PDE8A: variants seen among roughly 807,000 people sequenced by gnomAD.
The protein encoded by PDE8A is high affinity cAMP-specific and IBMX-insensitive 3',5'-cyclic phosphodiesterase 8A.
Under a neutral mutation model 105.0 loss-of-function variants are expected in PDE8A, and 59 were observed. The ratio of observed to expected loss-of-function variants is 0.56; its 90% CI spans 0.46 to 0.70. PDE8A has a LOEUF of 0.70. PDE8A is among the 30% of genes least tolerant of loss of function. The pLI is 0.00. For missense variants in PDE8A, 1,014 were observed against 1,045.9 expected (o/e 0.97, Z 0.42); for synonymous variants, 355 against 371.9 (o/e 0.95, Z 0.52).
At chr15:85,058,126 G>T (rs979834020) in intron 1 of PDE8A, among the ~76,000 whole-genome samples, 6 of 152,156 alleles carry the variant, frequency 3.9e-5, no homozygotes, top group Non-Finnish European at 8.8e-5. Flanking sequence ...TGTTGCCCAA[G>T]TTGGAATGTA....
rs182149928 is a variant in PDE8A at position 85,083,515 on chromosome 15, G to T, written c.547-41G>T. 846 of 1,179,438 alleles carry T rather than the reference G, an allele frequency of 7.2e-4. 5 individuals are homozygous for T. The African/African-American group carries it at 0.011, about 15-fold the overall frequency. The allele number at this position is 1,179,438 out of a possible 1,614,324, so 73.1% of individuals were successfully genotyped here. A position where few individuals can be genotyped will look rare whatever the true frequency, so the allele number is the denominator to read the frequency against. ...TATTTTTATTGGCACAAATAAAGAAGCACTTTTGTTTATCCACAAAATTCC... is the reference window on the plus strand; with the variant it reads ...TATTTTTATTGGCACAAATAAAGAATCACTTTTGTTTATCCACAAAATTCC... On this transcript the variant is annotated intron_variant, in intron 5 of 21. Coordinates refer to ENST00000394553, the MANE Select transcript of PDE8A (RefSeq NM_002605.3).
At chr15:84,985,953 G>A (rs1217944393) in intron 1 of PDE8A, among the ~76,000 whole-genome samples, 2 of 152,066 alleles carry the variant, frequency 1.3e-5, no homozygotes, top group African/African-American at 2.4e-5. Flanking sequence ...GGCTGGGCGC[G>A]GTGGCTCATG....
rs762212348 is a variant in PDE8A, at chr15:85,137,850, T to C, written c.2437T>C (p.Trp813Arg). The C allele has an allele frequency of 6.2e-7, 1 of 1,613,810 alleles. No individual in the cohort carries two copies. The highest frequency in any genetic ancestry group is 8.5e-7 in the Non-Finnish European group (1 of 1,179,680). ...GCATCTTGACAACAACTTTAAATAC[T>C]GGAAAGGACTGGACGAAATGAAGCT... Reference protein sequence around the residue: ...MQHLDNNFKYWKGLDEMKLRN... With the variant: ...MQHLDNNFKYRKGLDEMKLRN... The change falls in exon 22 of 22, where the codon TGG becomes CGG. Residue 813 changes from tryptophan to arginine, a missense_variant. Coordinates refer to ENST00000394553, the MANE Select transcript of PDE8A (RefSeq NM_002605.3).
At chr15:84,983,209 C>G (rs2079748427) in intron 1 of PDE8A, among the ~76,000 whole-genome samples, 2 of 152,338 alleles carry the variant, frequency 1.3e-5, no homozygotes, top group East Asian at 1.9e-4. Flanking sequence ...CCAGTTCTCT[C>G]ATTTCAGAAT....
At chr15:85,032,087 TCTTTA>T (rs754887582) in intron 1 of PDE8A, among the ~76,000 whole-genome samples, 2 of 152,222 alleles carry the variant, frequency 1.3e-5, no homozygotes, top group Non-Finnish European at 2.9e-5. Flanking sequence ...ATGTTTTCTC[TCTTTA>T]CTTCACAGCC....
chr15:84,981,701 GGCGGCGGCGGGAGCGGGGCCGGGC>G (rs2079710132), upstream of PDE8A, among the ~76,000 whole-genome samples: 1 of 151,448 alleles, frequency 6.6e-6, no homozygotes, highest in Admixed American at 6.6e-5. Context: ...AGGCGGCGGC[GGCGGCGGCGGGAGCGGGGCCGGGC>G]GCGGCCGGGA....
intron 8 of PDE8A, among the ~76,000 whole-genome samples, chr15:85,096,336 G>T (rs2081752508): frequency 6.6e-6 from 1 of 152,104 alleles, no homozygotes; most frequent in Admixed American, 6.5e-5. Context: ...GTATGTGCCT[G>T]TGGTCCCAGC....
intron 6 of PDE8A, among the ~76,000 whole-genome samples, chr15:85,086,800 G>A (rs911145213): frequency 4.0e-5 from 6 of 151,844 alleles, no homozygotes; most frequent in African/African-American, 1.2e-4. Context: ...GCCCAGGCTG[G>A]AGTGCAGTGG....
rs767346193 is a variant in PDE8A, at chr15:85,076,723, T to C, written c.492-10T>C. On this transcript the variant is annotated splice_polypyrimidine_tract_variant and intron_variant, in intron 4 of 21. Coordinates refer to ENST00000394553, the MANE Select transcript of PDE8A (RefSeq NM_002605.3). ...ACTATGTCTATGTTCTTTACTGTGTTATTTTGAAGGGTGGATAGAGAAGAG... is the reference window on the plus strand; with the variant it reads ...ACTATGTCTATGTTCTTTACTGTGTCATTTTGAAGGGTGGATAGAGAAGAG... The C allele has an allele frequency of 2.6e-6, 4 of 1,567,410 alleles. No individual in the cohort carries two copies. The highest frequency in any genetic ancestry group is 3.5e-6 in the Non-Finnish European group (4 of 1,137,580).
At chr15:85,101,202 A>G (rs1021811347) in intron 11 of PDE8A, among the ~76,000 whole-genome samples, 1 of 152,218 alleles carries the variant, frequency 6.6e-6, no homozygotes, top group African/African-American at 2.4e-5. Flanking sequence ...GAGGACTGAC[A>G]CTAGGGCTCT....
intron 1 of PDE8A, among the ~76,000 whole-genome samples, chr15:85,003,884 A>G (rs754797114): frequency 1.3e-5 from 2 of 152,264 alleles, no homozygotes; most frequent in Non-Finnish European, 2.9e-5. Flanking sequence ...GGCTCCTTCT[A>G]TCTGTGGCTC....
At chr15:85,096,554 T>G (rs919097524) in intron 8 of PDE8A, among the ~76,000 whole-genome samples, 1 of 152,222 alleles carries the variant, frequency 6.6e-6, no homozygotes, top group Admixed American at 6.5e-5. Context: ...GATAGTGAGC[T>G]TTAGAAGTAA....
chr15:85,103,030 A>G (rs1178691488), intron 11 of PDE8A, among the ~76,000 whole-genome samples: 3 of 152,008 alleles, frequency 2.0e-5, no homozygotes, highest in African/African-American at 7.2e-5. Context: ...AGACCAGCCT[A>G]GGCAACATGG....
chr15:85,075,921 A>G lies in PDE8A; in HGVS notation c.491+3A>G. 6.5e-7 allele frequency: 1 copy of G among 1,535,896 alleles called. No homozygotes were observed. The highest frequency in any genetic ancestry group is 9.0e-7 in the Non-Finnish European group (1 of 1,113,752). On this transcript the variant is annotated splice_donor_region_variant and intron_variant, in intron 4 of 21. Transcript: ENST00000394553. ...GTTATTGTTGGTGTAGTACGCAGGT[A>G]AACTTTCATTTTTTTAATGTTGAAA...
chr15:85,083,944 C>T (rs111643032), intron 6 of PDE8A, among the ~76,000 whole-genome samples: 8 of 152,056 alleles, frequency 5.3e-5, no homozygotes, highest in Non-Finnish European at 7.4e-5. Context: ...GGGACAAAAA[C>T]GGTTTTAATA....
Position 85,091,258 on chromosome 15 carries a change from C to T in PDE8A, c.852+77C>T, listed in dbSNP as rs1277002560. Reference sequence around the variant, plus strand: ...AGACTTAGTGTTCATTGAGTACTACCAGGTAATCTTAATCTTACTCCTCCC... The same window carrying T: ...AGACTTAGTGTTCATTGAGTACTACTAGGTAATCTTAATCTTACTCCTCCC... On this transcript the variant is annotated intron_variant, in intron 8 of 21. Transcript: ENST00000394553. The T allele has an allele frequency of 1.1e-5, 14 of 1,263,284 alleles. No homozygotes were observed. In the East Asian group the frequency reaches 3.3e-4, roughly 30 times the overall value. 78.3% of individuals were successfully genotyped at this position (1,263,284 alleles called of 1,614,324 possible).
chr15:85,033,452 G>T (rs1228121636), intron 1 of PDE8A, among the ~76,000 whole-genome samples: 1 of 152,026 alleles, frequency 6.6e-6, no homozygotes, highest in Non-Finnish European at 1.5e-5. Flanking sequence ...GGGGAGAGAG[G>T]CTCAAGAATA....
chr15:84,993,100 C>T (rs1389464993), intron 1 of PDE8A, among the ~76,000 whole-genome samples: 2 of 152,128 alleles, frequency 1.3e-5, no homozygotes, highest in East Asian at 1.9e-4. Flanking sequence ...TTTTACTTTT[C>T]CTGATTGTAA....
intron 20 of PDE8A, among the ~76,000 whole-genome samples, chr15:85,136,055 A>T (rs1163606489): frequency 6.6e-6 from 1 of 152,080 alleles, no homozygotes; most frequent in African/African-American, 2.4e-5. Context: ...TCTTTGAGGG[A>T]TGTGAGCCCC....
Sources: gnomAD v4.1 joint callset for allele counts (sites outside exome capture counted in the v4.1 genomes callset) on GRCh38, gnomAD v4.1.1 for gene constraint, MANE v1.5 for transcripts, NCBI Gene and HGNC (gene_info 2026-07-23, HGNC 2026-07-21) for gene names.